Variants in DCLRE1C observed in about 807,000 individuals in gnomAD.
DCLRE1C encodes the protein protein artemis.
DCLRE1C carries 47 observed loss-of-function variants against 61.4 expected under a neutral mutation model. The observed-to-expected ratio is 0.77, with a 90% CI of 0.61 to 0.98. The LOEUF is 0.98. Ranked by LOEUF, DCLRE1C falls within the 50% of genes least tolerant of loss-of-function variation. The pLI is 0.00. For missense variants in DCLRE1C, 858 were observed against 816.0 expected, an observed-to-expected ratio of 1.05 and a Z score of -0.63; for synonymous variants, 337 against 287.6, an observed-to-expected ratio of 1.17 and a Z score of -1.74.
intron 11 of DCLRE1C, among the ~76,000 whole-genome samples, chr10:14,923,920 A>G (rs577133129): frequency 6.6e-6 from 1 of 152,348 alleles, no homozygotes; most frequent in South Asian, 2.1e-4. Context: ...AACAATGTGC[A>G]CTGGTCTCCA....
chr10:14,932,744 G>A (rs1839236006), intron 9 of DCLRE1C, 110 bp downstream of exon 9: 2 of 1,280,374 alleles, frequency 1.6e-6, no homozygotes, highest in South Asian at 2.4e-5. Flanking sequence ...TAGGATTGCA[G>A]CCTCAGGTTT....
At chr10:14,901,804 G>A (rs555163845), downstream of DCLRE1C, among the ~76,000 whole-genome samples, 2 of 151,792 alleles carry the variant, frequency 1.3e-5, no homozygotes, top group South Asian at 2.1e-4. Context: ...CTGCACTCCA[G>A]CCTGGACGAC....
rs574031336 is a variant in DCLRE1C at position 14,936,533 on chromosome 10, C to T, written c.362+5G>A. On this transcript the variant is annotated splice_donor_5th_base_variant and intron_variant, in intron 5 of 13. Coordinates refer to ENST00000378278, the MANE Select transcript of DCLRE1C (RefSeq NM_001033855.3). ...ATAAAATGACAAAATAAATGACCCC[C>T]TTACATAACTGATCCCGGACAGTGA... The T allele has an allele frequency of 2.5e-6, 4 of 1,609,956 alleles. No individual in the cohort carries two copies. Among genetic ancestry groups the T allele is most frequent in the African/African-American group, 2.7e-5 (2 of 74,922 alleles).
intron 4 of DCLRE1C, among the ~76,000 whole-genome samples, chr10:14,938,334 A>C (rs1840316210): frequency 6.7e-6 from 1 of 149,630 alleles, no homozygotes; most frequent in Admixed American, 6.7e-5. Flanking sequence ...GGCATTTACA[A>C]AGGTTCACCT....
At position 14,908,251 on chromosome 10, in the gene DCLRE1C, T is replaced by G; in HGVS notation, c.*157A>C. 1 of 613,868 alleles carries G rather than the reference T, an allele frequency of 1.6e-6. No homozygotes were observed. The highest frequency in any genetic ancestry group is 2.8e-6 in the Non-Finnish European group (1 of 353,640). 38.0% of individuals were successfully genotyped at this position (613,868 alleles called of 1,614,324 possible). A position where few individuals can be genotyped will look rare whatever the true frequency, so the allele number is the denominator to read the frequency against. On this transcript the variant is annotated 3_prime_UTR_variant, in exon 14 of 14. Transcript: ENST00000378278. The stretch of plus-strand genomic sequence containing the variant: ...TGTCGAACTCCTGGGCTCAAGCCAT[T>G]GCCCACCTCAAAGTGCTGGGATTAC...
At chr10:14,948,027 G>A (rs920572570) in intron 2 of DCLRE1C, among the ~76,000 whole-genome samples, 1 of 152,134 alleles carries the variant, frequency 6.6e-6, no homozygotes, top group African/African-American at 2.4e-5. Flanking sequence ...TCCAGCCTGG[G>A]CGACAGAGCA....
In DCLRE1C at chr10:14,905,509, A is replaced by G. The variant is rs1449757117; in HGVS notation, c.*2899T>C. 6.6e-6 allele frequency among the ~76,000 whole-genome samples: 1 copy of G among 152,242 alleles called. No individual in the cohort carries two copies. Among genetic ancestry groups the G allele is most frequent in the African/African-American group, 2.4e-5 (1 of 41,472 alleles). ...TGTAAGGTAACAAGCTTAGACTGTTAAGATAATGTCAACATGCCAAGATCA... is the reference window on the plus strand; with the variant it reads ...TGTAAGGTAACAAGCTTAGACTGTTGAGATAATGTCAACATGCCAAGATCA... On this transcript the variant is annotated 3_prime_UTR_variant, in exon 14 of 14. Transcript: ENST00000378278.
At chr10:14,914,607 T>C (rs779141562) in intron 13 of DCLRE1C, among the ~76,000 whole-genome samples, 81 of 152,212 alleles carry the variant, frequency 5.3e-4, no homozygotes, top group Non-Finnish European at 1.0e-3. Context: ...AATGTGTAAA[T>C]TGGTCCACAA....
intron 2 of DCLRE1C, among the ~76,000 whole-genome samples, chr10:14,947,203 C>T (rs535390132): frequency 3.7e-5 from 5 of 136,720 alleles, no homozygotes; most frequent in Admixed American, 8.2e-5. Context: ...CAGAGTTCGA[C>T]TCTGTTTCAA....
At chr10:14,914,627 C>T (rs566474768) in intron 13 of DCLRE1C, among the ~76,000 whole-genome samples, 20 of 152,222 alleles carry the variant, frequency 1.3e-4, no homozygotes, top group Non-Finnish European at 2.5e-4. Flanking sequence ...ATTGATGGTC[C>T]GTAAATATTC....
At position 14,908,806 on chromosome 10, in the gene DCLRE1C, A is replaced by T; in HGVS notation, c.1681T>A (p.Ser561Thr). Reference sequence around the variant, plus strand: ...TCCCCACTGTTTCTCTCTTGGGAAGATAACAAAACAGTATCAGATTGGCTG... The same window carrying T: ...TCCCCACTGTTTCTCTCTTGGGAAGTTAACAAAACAGTATCAGATTGGCTG... ...WDSQSDTVLL[S>T]SQERNSGDIT... Residue 561 changes from serine (S) to threonine (T), a missense_variant, in exon 14 of 14, where the codon TCT becomes ACT. Ser to Thr is a moderately conservative substitution (Grantham distance 58). This residue lies in a region of DCLRE1C where 843 missense variants were observed against 783.5 expected (regional missense o/e 1.08). Coordinates refer to ENST00000378278, the MANE Select transcript of DCLRE1C (RefSeq NM_001033855.3). 1 of 1,614,212 alleles carries T rather than the reference A, an allele frequency of 6.2e-7. No homozygotes were observed. Among genetic ancestry groups the T allele is most frequent in the Non-Finnish European group, 8.5e-7 (1 of 1,180,032 alleles).
At chr10:14,935,651 T>A in intron 5 of DCLRE1C, 87 bp from the exon 6 acceptor site, 1 of 1,257,270 alleles carries the variant, frequency 8.0e-7, no homozygotes, top group South Asian at 1.2e-5. Context: ...ACTAAATGCT[T>A]CCTGCAAACA....
In DCLRE1C at chr10:14,949,103, CA is replaced by C. The variant is rs1415798169; in HGVS notation, c.110-17del. On this transcript the variant is annotated splice_polypyrimidine_tract_variant and intron_variant, in intron 1 of 13. Transcript: ENST00000378278. The stretch of plus-strand genomic sequence containing the variant: ...TTCATGTGATCTAAAAACAAAAGAA[CA>C]AAAACTCATGAATATGTTTTTCCAG... The C allele has an allele frequency of 6.3e-7, 1 of 1,583,792 alleles. No individual in the cohort carries two copies. The highest frequency in any genetic ancestry group is 8.7e-7 in the Non-Finnish European group (1 of 1,153,364).
At chr10:14,939,893 A>G (rs367680695) in intron 3 of DCLRE1C, 24 bp from the exon 4 acceptor site, 15 of 1,560,024 alleles carry the variant, frequency 9.6e-6, no homozygotes, top group Non-Finnish European at 1.2e-5. Context: ...ATAAGAGACC[A>G]TGTATATAGC....
At chr10:14,926,227 G>A (rs2130825399) in intron 11 of DCLRE1C, among the ~76,000 whole-genome samples, 1 of 152,266 alleles carries the variant, frequency 6.6e-6, no homozygotes, top group South Asian at 2.1e-4. Flanking sequence ...TGTTCTACCT[G>A]AGCCGAGAAC....
Position 14,904,990 on chromosome 10 carries a change from G to C in DCLRE1C, c.*3418C>G, listed in dbSNP as rs1834273258. Among the ~76,000 whole-genome samples, 1 of 152,042 alleles carries C rather than the reference G, an allele frequency of 6.6e-6. No homozygotes were observed. Among genetic ancestry groups the C allele is most frequent in the Admixed American group, 6.6e-5 (1 of 15,262 alleles). On this transcript the variant is annotated 3_prime_UTR_variant, in exon 14 of 14. Coordinates refer to ENST00000378278, the MANE Select transcript of DCLRE1C (RefSeq NM_001033855.3). ...GTAGACAATAGTTGTTTCTCTTTTA[G>C]TTCATCAGTTTCTCTTAGCAAAATA...
rs779299617 is a variant in DCLRE1C, at chr10:14,928,131, T to G, written c.802A>C (p.Ser268Arg). The change falls in exon 10 of 14, where the codon AGC becomes CGC. Residue 268 changes from serine (S) to arginine (R), a missense_variant. Physicochemically the swap from Ser to Arg is moderately radical, Grantham distance 110. Around this residue, in one of 2 missense-constraint regions of DCLRE1C, gnomAD observed 843 missense variants for 783.5 expected, o/e 1.08. Transcript: ENST00000378278. ...GAAGTAATTCCACAGGGTAATTTGCTCCACTGAAAATATTCCTCTGCCTAA... is the reference window on the plus strand; with the variant it reads ...GAAGTAATTCCACAGGGTAATTTGCGCCACTGAAAATATTCCTCTGCCTAA... ...HPKAEEYFQW[S>R]KLPCGITSRN... 6 of 1,613,320 alleles carry G rather than the reference T, an allele frequency of 3.7e-6. No individual in the cohort carries two copies. The East Asian group carries it at 1.1e-4, about 30-fold the overall frequency.
chr10:14,910,424 C>G (rs921505158), intron 13 of DCLRE1C, among the ~76,000 whole-genome samples: 13 of 152,118 alleles, frequency 8.5e-5, no homozygotes, highest in Admixed American at 8.5e-4. Flanking sequence ...AGTCACAGTT[C>G]AGCCTCTACC....
At chr10:14,899,763 C>G, downstream of DCLRE1C, 1 of 1,494,780 alleles carries the variant, frequency 6.7e-7, no homozygotes, top group South Asian at 1.3e-5. Context: ...AGAATAATTC[C>G]CTTTAAACTA....
Sources: gnomAD v4.1 joint callset for allele counts (sites outside exome capture counted in the v4.1 genomes callset) on GRCh38, gnomAD v4.1.1 for gene constraint, gnomAD v4.1.1 regional missense constraint, MANE v1.5 for transcripts, NCBI Gene and HGNC (gene_info 2026-07-23, HGNC 2026-07-21) for gene names.